Variants in NKAIN2 observed in about 807,000 individuals in gnomAD.
NKAIN2 encodes the protein sodium/potassium transporting ATPase interacting 2.
A neutral mutation model predicts 32.6 loss-of-function variants in NKAIN2; 14 were observed. That is an observed-to-expected ratio of 0.43 (90% CI 0.28 to 0.67). NKAIN2 has a LOEUF of 0.67. Among genes scored for constraint, NKAIN2 ranks in the 30% least tolerant of loss-of-function variants. The pLI, the probability that NKAIN2 is intolerant of heterozygous loss-of-function variation, is 0.17. For missense variants in NKAIN2, 198 were observed against 258.3 expected (o/e 0.77, Z 1.60); for synonymous variants, 80 against 87.2 (o/e 0.92, Z 0.46).
At chr6:124,712,004 A>T (rs1485646122) in intron 4 of NKAIN2, among the ~76,000 whole-genome samples, 10 of 151,880 alleles carry the variant, frequency 6.6e-5, no homozygotes, top group African/African-American at 2.4e-4. Flanking sequence ...TTTGGTGTGG[A>T]TGTTCTTTCT....
chr6:123,853,116 T>C (rs1337755853), intron 1 of NKAIN2, among the ~76,000 whole-genome samples: 1 of 152,186 alleles, frequency 6.6e-6, no homozygotes, highest in Non-Finnish European at 1.5e-5. Flanking sequence ...AGTAAAGATA[T>C]ATGTTTTAAT....
chr6:124,698,277 TAAGCTACTGTGCTTC>T (rs1774598812), intron 4 of NKAIN2, among the ~76,000 whole-genome samples: 1 of 152,166 alleles, frequency 6.6e-6, no homozygotes, highest in Admixed American at 6.6e-5. Context: ...TTAAAATATC[TAAGCTACTGTGCTTC>T]ATCATAAAAT....
chr6:124,791,509 A>G (rs1165032911), intron 5 of NKAIN2, 110 bp downstream of exon 5: 2 of 626,596 alleles, frequency 3.2e-6, no homozygotes, highest in Non-Finnish European at 5.5e-6. Flanking sequence ...CAGCATTAGA[A>G]TGGAAAATAA....
intron 3 of NKAIN2, among the ~76,000 whole-genome samples, chr6:124,652,979 T>C (rs765228745): frequency 1.3e-5 from 2 of 152,130 alleles, no homozygotes; most frequent in Non-Finnish European, 2.9e-5. Flanking sequence ...AAGATCTATA[T>C]GAGGAAAATT....
At chr6:124,369,193 G>A (rs769061808) in intron 3 of NKAIN2, among the ~76,000 whole-genome samples, 3 of 152,024 alleles carry the variant, frequency 2.0e-5, no homozygotes, top group Non-Finnish European at 2.9e-5. Context: ...CCCACTCTAT[G>A]GAAATTATTC....
intron 3 of NKAIN2, among the ~76,000 whole-genome samples, chr6:124,612,621 C>T (rs606011): frequency 0.18 from 27,678 of 151,966 alleles, 2,679 homozygotes; most frequent in Middle Eastern, 0.24. Flanking sequence ...TTGTATGGCT[C>T]AAAAATCTCT....
intron 3 of NKAIN2, among the ~76,000 whole-genome samples, chr6:124,440,986 G>A: frequency 6.6e-6 from 1 of 152,062 alleles, no homozygotes; most frequent in East Asian, 1.9e-4. Flanking sequence ...CCATATACTA[G>A]TAATTGATTT....
intron 4 of NKAIN2, among the ~76,000 whole-genome samples, chr6:124,714,041 C>A (rs1282775357): frequency 6.6e-6 from 1 of 152,208 alleles, no homozygotes; most frequent in Non-Finnish European, 1.5e-5. Flanking sequence ...CTGAATGCGT[C>A]CTTTCTGTCA....
intron 3 of NKAIN2, among the ~76,000 whole-genome samples, chr6:124,504,396 G>A (rs1042811376): frequency 2.0e-5 from 3 of 152,118 alleles, no homozygotes; most frequent in African/African-American, 7.2e-5. Flanking sequence ...TTGTGAGACA[G>A]TGATGGCCCT....
rs868385284 is a variant in NKAIN2 at position 124,709,439 on chromosome 6, G to A, written c.474+51053G>A. On this transcript the variant is annotated intron_variant, in intron 4 of 6. Coordinates refer to ENST00000368417, the MANE Select transcript of NKAIN2 (RefSeq NM_001040214.3). ...GTACCAGTTCCTCCTTGTACCTCTG[G>A]TAGAATTCGGCTGTGAATCCATCTG... Among the ~76,000 whole-genome samples the A allele has an allele frequency of 4.0e-5, 6 of 151,784 alleles. No individual in the cohort carries two copies. In the South Asian group the frequency reaches 1.0e-3, roughly 26 times the overall value.
intron 1 of NKAIN2, among the ~76,000 whole-genome samples, chr6:123,958,910 T>C (rs555075265): frequency 6.6e-6 from 1 of 152,292 alleles, no homozygotes; most frequent in East Asian, 1.9e-4. Flanking sequence ...AGAAAACAAA[T>C]TCCAAATGGC....
At chr6:124,103,878 G>T (rs983522413) in intron 1 of NKAIN2, among the ~76,000 whole-genome samples, 64 of 152,170 alleles carry the variant, frequency 4.2e-4, no homozygotes, top group Admixed American at 4.0e-3. Context: ...ATGAGATCAG[G>T]AGATCGAGAC....
intron 1 of NKAIN2, among the ~76,000 whole-genome samples, chr6:123,977,421 C>A (rs574445448): frequency 7.2e-5 from 11 of 152,044 alleles, no homozygotes; most frequent in African/African-American, 2.7e-4. Context: ...TAAAAACAAG[C>A]AAACAAAAAG....
intron 3 of NKAIN2, among the ~76,000 whole-genome samples, chr6:124,464,636 G>C (rs1290250391): frequency 6.6e-6 from 1 of 151,952 alleles, no homozygotes; most frequent in African/African-American, 2.4e-5. Context: ...TTACCATTAA[G>C]AAATTCCTTT....
intron 1 of NKAIN2, among the ~76,000 whole-genome samples, chr6:124,104,828 T>A (rs1263671327): frequency 1.3e-5 from 2 of 152,194 alleles, no homozygotes; most frequent in East Asian, 3.9e-4. Context: ...GCATTTTTTC[T>A]ATGCAGCAGG....
chr6:123,856,382 G>T (rs1166706320), intron 1 of NKAIN2, among the ~76,000 whole-genome samples: 3 of 152,016 alleles, frequency 2.0e-5, no homozygotes, highest in Admixed American at 1.3e-4. Flanking sequence ...TGATTATTTG[G>T]TTTTCACTTA....
At chr6:124,460,597 T>C (rs1236925773) in intron 3 of NKAIN2, among the ~76,000 whole-genome samples, 2 of 151,804 alleles carry the variant, frequency 1.3e-5, no homozygotes, top group Non-Finnish European at 3.0e-5. Context: ...AAACCTGCTG[T>C]CAATCTGTTC....
intron 1 of NKAIN2, among the ~76,000 whole-genome samples, chr6:124,213,600 A>T (rs1382234759): frequency 6.6e-6 from 1 of 152,092 alleles, no homozygotes; most frequent in Non-Finnish European, 1.5e-5. Flanking sequence ...TAAGTTCCTG[A>T]ATTGCTGGTA....
chr6:124,032,030 A>T (rs996151877), intron 1 of NKAIN2, among the ~76,000 whole-genome samples: 1 of 152,164 alleles, frequency 6.6e-6, no homozygotes, highest in Admixed American at 6.5e-5. Context: ...TCCATCAATG[A>T]TAGACTGGAT....
Sources: allele counts gnomAD v4.1 joint callset (sites outside exome capture counted in the v4.1 genomes callset), GRCh38; gene constraint gnomAD v4.1.1; transcripts MANE v1.5; gene names NCBI Gene and HGNC (gene_info 2026-07-23, HGNC 2026-07-21).